Variants in FUCA1 observed in about 807,000 individuals in gnomAD.
The protein encoded by FUCA1 is alpha-L-fucosidase 1.
In FUCA1, 52 loss-of-function variants were observed where a neutral mutation model predicts 56.8. The ratio of observed to expected loss-of-function variants is 0.92; its 90% CI spans 0.73 to 1.15. The LOEUF (loss-of-function observed/expected upper bound fraction) is 1.15. Ranked by LOEUF, FUCA1 falls within the 50% of genes most tolerant of loss-of-function variation. The pLI, the probability that FUCA1 is intolerant of heterozygous loss-of-function variation, is 0.00. For synonymous variants in FUCA1, 230 were observed against 226.6 expected (o/e 1.02, Z -0.14); for missense variants, 568 against 592.6 (o/e 0.96, Z 0.43).
intron 5 of FUCA1, among the ~76,000 whole-genome samples, 176 bp from the exon 6 acceptor site, chr1:23,849,015 TA>T (rs1400630420): frequency 6.6e-6 from 1 of 152,112 alleles, no homozygotes; most frequent in Non-Finnish European, 1.5e-5. Flanking sequence ...TCGCCCAGGC[TA>T]GAGTGCAATG....
chr1:23,850,447 A>G (rs970357606), intron 5 of FUCA1, among the ~76,000 whole-genome samples: 2 of 151,714 alleles, frequency 1.3e-5, no homozygotes, highest in East Asian at 3.9e-4. Flanking sequence ...ATATAGTTGT[A>G]ATAATATGTA....
chr1:23,858,080 T>G (rs1184451198), intron 4 of FUCA1, among the ~76,000 whole-genome samples: 1 of 151,544 alleles, frequency 6.6e-6, no homozygotes, highest in Non-Finnish European at 1.5e-5. Context: ...AGACTTTTTT[T>G]TTGAGAAGGA....
At chr1:23,852,703 C>G (rs1431507717) in intron 5 of FUCA1, among the ~76,000 whole-genome samples, 2 of 151,700 alleles carry the variant, frequency 1.3e-5, no homozygotes, top group Non-Finnish European at 2.9e-5. Context: ...GTCTCCAGCT[C>G]CTAACTGCGA....
intron 5 of FUCA1, among the ~76,000 whole-genome samples, chr1:23,852,462 C>A (rs1036999041): frequency 1.4e-5 from 2 of 147,876 alleles, no homozygotes; most frequent in Non-Finnish European, 1.5e-5. Context: ...TCTCCCTCTC[C>A]CCCCTCTCCC....
rs750083315 is a variant in FUCA1, at chr1:23,854,421, G to A, written c.908C>T (p.Ser303Phe). ...TGCCATGTCACGACGATAGCCCCAG[G>A]AAAACTTGTCAATGCTGGTGCACAT... The part of the protein sequence containing the change: ...WEMCTSIDKF[S>F]WGYRRDMALS... Residue 303 changes from serine to phenylalanine, a missense_variant, in exon 5 of 8, where the codon TCC (serine) becomes TTC (phenylalanine). Ser to Phe is a radical substitution (Grantham distance 155). Transcript: ENST00000374479. The A allele has an allele frequency of 6.2e-7, 1 of 1,614,096 alleles. No homozygotes were observed. Among genetic ancestry groups the A allele is most frequent in the Non-Finnish European group, 8.5e-7 (1 of 1,180,024 alleles).
intron 5 of FUCA1, among the ~76,000 whole-genome samples, chr1:23,849,873 G>C (rs1032654536): frequency 2.0e-5 from 3 of 152,000 alleles, no homozygotes; most frequent in Non-Finnish European, 2.9e-5. Flanking sequence ...GAGCCACCGT[G>C]CTCAGCCAAG....
intron 4 of FUCA1, among the ~76,000 whole-genome samples, chr1:23,856,509 T>C (rs1025380694): frequency 6.6e-6 from 1 of 152,106 alleles, no homozygotes. Flanking sequence ...AGACTGTAGT[T>C]CCCTAAGAGC....
At position 23,863,220 on chromosome 1, in the gene FUCA1, G is replaced by A; in HGVS notation, c.576C>T (p.Leu192=). Residue 192 remains leucine, a synonymous_variant, in exon 3 of 8, where the codon CTC becomes CTT. Transcript: ENST00000374479. ...AGCCATTTTTCTTATCAAGTAGATA[G>A]AGTGGATGGAACCACTCTAAGAGTG... ...YHSLLEWFHP[L]YLLDKKNGFK... The A allele has an allele frequency of 1.2e-6, 2 of 1,613,798 alleles. No individual in the cohort carries two copies. Among genetic ancestry groups the A allele is most frequent in the Non-Finnish European group, 1.7e-6 (2 of 1,179,894 alleles).
In FUCA1 at chr1:23,845,437, T is replaced by G. The variant is rs1327658168; in HGVS notation, c.*278A>C. 2.1e-6 allele frequency: 1 copy of G among 473,592 alleles called. No individual in the cohort carries two copies. The highest frequency in any genetic ancestry group is 3.4e-5 in the Admixed American group (1 of 29,762). The allele number at this position is 473,592 out of a possible 1,614,324, so 29.3% of individuals were successfully genotyped here. On this transcript the variant is annotated 3_prime_UTR_variant, in exon 8 of 8. Transcript: ENST00000374479. ...TCAGAGAACAGAGGGAAGATTCCAT[T>G]GTAGATAATTTCCAAATATTACAAT...
intron 6 of FUCA1, among the ~76,000 whole-genome samples, chr1:23,848,161 C>T (rs1639179176): frequency 6.6e-6 from 1 of 152,114 alleles, no homozygotes; most frequent in African/African-American, 2.4e-5. Flanking sequence ...GACCTAAGCT[C>T]TCTGGTATAA....
rs569022632 is a variant in FUCA1, at chr1:23,863,113, C to T, written c.662+21G>A. On this transcript the variant is annotated intron_variant, in intron 3 of 7. Coordinates refer to ENST00000374479, the MANE Select transcript of FUCA1 (RefSeq NM_000147.5). ...ATTTCATTGATAAAAGTCATAGGGC[C>T]AAAATATTTCAGTGTCTTACCTGTT... The T allele has an allele frequency of 8.7e-6, 14 of 1,613,222 alleles. No homozygotes were observed. In the African/African-American group the frequency reaches 1.7e-4, roughly 20 times the overall value.
chr1:23,859,817 T>C lies in FUCA1; in HGVS notation c.749A>G (p.Tyr250Cys). 5 of 1,607,804 alleles carry C rather than the reference T, an allele frequency of 3.1e-6. No individual in the cohort carries two copies. The highest frequency in any genetic ancestry group is 4.3e-6 in the Non-Finnish European group (5 of 1,174,274). ...WNSTNFLSWL[Y>C]NDSPVKDEVV... is the part of the protein sequence containing the mutation. ...ACATACCTTGACAGGGCTGTCATTG[T>C]AGAGCCATGAAAGAAAATTTGTGGA... The change falls in exon 4 of 8, where the codon TAC becomes TGC. Residue 250 changes from tyrosine to cysteine, a missense_variant. Physicochemically the swap from Tyr to Cys is radical, Grantham distance 194. Coordinates refer to ENST00000374479, the MANE Select transcript of FUCA1 (RefSeq NM_000147.5).
intron 3 of FUCA1, among the ~76,000 whole-genome samples, chr1:23,860,466 C>G (rs1382666044): frequency 1.3e-5 from 2 of 151,572 alleles, no homozygotes; most frequent in Non-Finnish European, 2.9e-5. Flanking sequence ...CGCCTGTATT[C>G]CCAGCTACTC....
rs1172810266 is a variant in FUCA1, at chr1:23,848,526, A to T, written c.1160+123T>A. On this transcript the variant is annotated intron_variant, in intron 6 of 7. Transcript: ENST00000374479. ...AATGGGGTACAAATTTTATAGGAAA[A>T]TAACCTTCTGGATTTTCTCAAGGCA... 4.4e-6 allele frequency: 4 copies of T among 916,242 alleles called. No individual in the cohort carries two copies. The African/African-American group carries it at 6.5e-5, about 15-fold the overall frequency. The allele number at this position is 916,242 out of a possible 1,614,324, so 56.8% of individuals were successfully genotyped here. A position where few individuals can be genotyped will look rare whatever the true frequency, so the allele number is the denominator to read the frequency against.
chr1:23,854,064 GAATA>G lies in FUCA1; in HGVS notation c.969+292_969+295del, dbSNP rs200301178. Among the ~76,000 whole-genome samples, 17,078 of 150,180 alleles carry G rather than the reference GAATA, an allele frequency of 0.11. 1,044 individuals are homozygous for G. Among genetic ancestry groups the G allele is most frequent in the East Asian group, 0.21 (1,063 of 5,100 alleles). ...GAAACACCCAAGAATGATCAATAAA[GAATA>G]AATAAATAAATAAATAAATAAATAA... On this transcript the variant is annotated intron_variant, in intron 5 of 7. Coordinates refer to ENST00000374479, the MANE Select transcript of FUCA1 (RefSeq NM_000147.5).
rs1194696573 is a variant in FUCA1 at position 23,848,713 on chromosome 1, C to T, written c.1096G>A (p.Gly366Arg). The change falls in exon 6 of 8, where the codon GGG becomes AGG. Residue 366 changes from glycine (G) to arginine (R), a missense_variant. By Grantham distance (125) the Gly-to-Arg change is moderately radical. Transcript: ENST00000374479. ...LAVGKWLSIN[G>R]EAIYASKPWR... ...GGTTTGGAGGCATAGATAGCCTCCC[C>T]ATTGATGCTCAGCCATTTCCCAACA... 3.7e-6 allele frequency: 6 copies of T among 1,614,128 alleles called. No individual in the cohort carries two copies. In the African/African-American group the frequency reaches 5.3e-5, roughly 14 times the overall value.
In FUCA1 at chr1:23,848,654, A is replaced by C. The variant is rs370751789; in HGVS notation, c.1155T>G (p.Ser385=). 2.5e-6 allele frequency: 4 copies of C among 1,614,016 alleles called. No individual in the cohort carries two copies. The highest frequency in any genetic ancestry group is 3.4e-6 in the Non-Finnish European group (4 of 1,179,980). The change falls in exon 6 of 8, where the codon TCT becomes TCG. Residue 385 remains serine (S), a synonymous_variant. Coordinates refer to ENST00000374479, the MANE Select transcript of FUCA1 (RefSeq NM_000147.5). ...WRVQWEKNTT[S]VWYTSKGSAV... is the part of the protein sequence containing the mutation. Reference sequence around the variant, plus strand: ...CAACAGAAGACAAGACTCACCATACAGATGTTGTGTTCTTTTCCCATTGCA... The same window carrying C: ...CAACAGAAGACAAGACTCACCATACCGATGTTGTGTTCTTTTCCCATTGCA...
At chr1:23,852,761 G>A (rs1347688453) in intron 5 of FUCA1, among the ~76,000 whole-genome samples, 1 of 152,240 alleles carries the variant, frequency 6.6e-6, no homozygotes, top group Non-Finnish European at 1.5e-5. Flanking sequence ...TGCAGATGGA[G>A]TCTGGTTCAC....
At chr1:23,861,990 C>T (rs1426859339) in intron 3 of FUCA1, among the ~76,000 whole-genome samples, 1 of 152,148 alleles carries the variant, frequency 6.6e-6, no homozygotes, top group African/African-American at 2.4e-5. Flanking sequence ...TCCCATTTCA[C>T]AGATAGAGAA....
Sources: gnomAD v4.1 joint callset for allele counts (sites outside exome capture counted in the v4.1 genomes callset) on GRCh38, gnomAD v4.1.1 for gene constraint, MANE v1.5 for transcripts, NCBI Gene and HGNC (gene_info 2026-07-23, HGNC 2026-07-21) for gene names.